THSD4: variants seen among roughly 807,000 people sequenced by gnomAD.
The protein encoded by THSD4 is thrombospondin type 1 domain containing 4.
In THSD4, 69 loss-of-function variants were observed where a neutral mutation model predicts 119.0. That is an observed-to-expected ratio of 0.58 (90% CI 0.48 to 0.71). The LOEUF (loss-of-function observed/expected upper bound fraction) is 0.71, where lower values mean the gene tolerates loss of function less well. Among genes scored for constraint, THSD4 ranks in the 30% least tolerant of loss-of-function variants. The probability of loss-of-function intolerance (pLI) is 0.00; values close to 1 mark genes in which losing one functional copy is unlikely to be tolerated. For missense variants in THSD4, 1,393 were observed against 1,391.1 expected (o/e 1.00, Z -0.02); for synonymous variants, 524 against 540.4 (o/e 0.97, Z 0.42).
intron 7 of THSD4, 78 bp from the exon 8 acceptor site, chr15:71,660,452 C>A: frequency 5.1e-6 from 8 of 1,563,642 alleles, no homozygotes; most frequent in Non-Finnish European, 6.1e-6. Flanking sequence ...AAATTTCTTG[C>A]CCAGGGATCT....
rs199561497 is a variant in THSD4 at position 71,737,903 on chromosome 15, G to A, written c.1802G>A (p.Arg601Gln). Residue 601 changes from arginine to glutamine, a missense_variant, in exon 11 of 18, where the codon CGA (arginine) becomes CAA (glutamine). By Grantham distance (43) the Arg-to-Gln change is conservative (BLOSUM62 1). Transcript: ENST00000261862. ...VRHPDRFSPH[R>Q]PDNLVPPAPQ... is the part of the protein sequence containing the mutation. ...CATCCAGACAGATTTTCTCCCCATC[G>A]ACCGGACAACTTGGTGCCACCAGCA... 8 of 1,614,110 alleles carry A rather than the reference G, an allele frequency of 5.0e-6. No individual in the cohort carries two copies. Among genetic ancestry groups the A allele is most frequent in the Admixed American group, 3.3e-5 (2 of 60,010 alleles).
intron 6 of THSD4, among the ~76,000 whole-genome samples, chr15:71,395,212 A>G (rs1487089461): frequency 1.3e-5 from 2 of 152,180 alleles, no homozygotes; most frequent in Non-Finnish European, 1.5e-5. Context: ...ATGATGAAAC[A>G]TGTTGAAAGT....
intron 8 of THSD4, among the ~76,000 whole-genome samples, chr15:71,663,795 T>A (rs2051359487): frequency 6.6e-6 from 1 of 152,174 alleles, no homozygotes; most frequent in Non-Finnish European, 1.5e-5. Flanking sequence ...TTCTCCATAA[T>A]TCTCTAGGTA....
intron 14 of THSD4, among the ~76,000 whole-genome samples, chr15:71,749,302 A>G (rs555266473): frequency 6.6e-6 from 1 of 152,384 alleles, no homozygotes; most frequent in Admixed American, 6.5e-5. Flanking sequence ...TGTAGAACAT[A>G]CCTTGGGACA....
intron 10 of THSD4, chr15:71,732,122 G>A (rs1595898568): frequency 6.6e-6 from 1 of 152,282 alleles, no homozygotes; most frequent in South Asian, 2.1e-4. Flanking sequence ...AGTAATCCAG[G>A]ATAATCTCTC....
intron 6 of THSD4, among the ~76,000 whole-genome samples, chr15:71,392,962 G>C (rs545240849): frequency 6.6e-6 from 1 of 152,338 alleles, no homozygotes; most frequent in East Asian, 1.9e-4. Flanking sequence ...CTTCCTTTGA[G>C]AGGGAGCCGG....
intron 4 of THSD4, 56 bp downstream of exon 4, chr15:71,215,455 T>C: frequency 6.9e-7 from 1 of 1,440,550 alleles, no homozygotes; most frequent in Non-Finnish European, 9.2e-7. Context: ...TATCTGCCCC[T>C]GTCCCTGCCC....
chr15:71,406,643 GGTGTGTGTGTGTGTGTGTGTGTGT>G (rs56347233), intron 6 of THSD4, among the ~76,000 whole-genome samples: 1,512 of 126,258 alleles, frequency 0.012, 10 homozygotes, highest in Middle Eastern at 0.024. Context: ...AGGTTTGTTT[GGTGTGTGTGTGTGTGTGTGTGTGT>G]GTGTGTGTGT....
intron 3 of THSD4, among the ~76,000 whole-genome samples, chr15:71,212,022 C>T (rs532154287): frequency 1.4e-4 from 21 of 152,240 alleles, no homozygotes; most frequent in African/African-American, 5.1e-4. Flanking sequence ...ACTATCAGAA[C>T]AGAAGAAGGG....
chr15:71,267,707 A>T (rs939674620), intron 6 of THSD4, among the ~76,000 whole-genome samples: 2 of 152,234 alleles, frequency 1.3e-5, no homozygotes, highest in South Asian at 4.1e-4. Context: ...TGCTGTATTC[A>T]GGAGACCCAT....
chr15:71,569,007 GA>G (rs760319838), intron 7 of THSD4, among the ~76,000 whole-genome samples: 5 of 152,128 alleles, frequency 3.3e-5, no homozygotes, highest in African/African-American at 7.2e-5. Flanking sequence ...AAAATGGGGA[GA>G]AAATGAAAAA....
Position 71,780,795 on chromosome 15 carries a change from C to T in THSD4, c.*3421C>T. 2.2e-6 allele frequency: 1 copy of T among 456,044 alleles called. No individual in the cohort carries two copies. The highest frequency in any genetic ancestry group is 1.6e-5 in the South Asian group (1 of 64,502). The allele number at this position is 456,044 out of a possible 1,614,324, so 28.2% of individuals were successfully genotyped here. A position where few individuals can be genotyped will look rare whatever the true frequency, so the allele number is the denominator to read the frequency against. On this transcript the variant is annotated 3_prime_UTR_variant, in exon 18 of 18. Transcript: ENST00000261862. ...TCTTATGTACTCATCTACTTATTCT[C>T]AAAGTATTTAGCATTCAACACTCTT...
chr15:71,124,292 T>C (rs980527017), intron 1 of THSD4, among the ~76,000 whole-genome samples: 3 of 152,262 alleles, frequency 2.0e-5, no homozygotes, highest in Admixed American at 2.0e-4. Flanking sequence ...AACTGACTTA[T>C]GGGCACTGCA....
intron 7 of THSD4, among the ~76,000 whole-genome samples, chr15:71,617,074 A>G (rs2050330267): frequency 6.6e-6 from 1 of 152,190 alleles, no homozygotes; most frequent in Non-Finnish European, 1.5e-5. Flanking sequence ...TAAATTAGAG[A>G]ATTGATTCAT....
At chr15:71,201,597 T>C (rs1319991497) in intron 3 of THSD4, among the ~76,000 whole-genome samples, 1 of 152,228 alleles carries the variant, frequency 6.6e-6, no homozygotes, top group Admixed American at 6.5e-5. Context: ...TGATATTTCC[T>C]CTTCAGGGAC....
chr15:71,576,038 G>T (rs2049442588), intron 7 of THSD4, among the ~76,000 whole-genome samples: 1 of 151,896 alleles, frequency 6.6e-6, no homozygotes, highest in African/African-American at 2.4e-5. Flanking sequence ...TATGTCCTCT[G>T]CAGTTTTTTG....
intron 5 of THSD4, among the ~76,000 whole-genome samples, chr15:71,251,120 A>AATATCTCCTTTCTC (rs2044255201): frequency 6.6e-6 from 1 of 152,186 alleles, no homozygotes; most frequent in Non-Finnish European, 1.5e-5. Context: ...GTAATTTGAG[A>AATATCTCCTTTCTC]AAGGAGATAT....
chr15:71,391,517 A>G (rs183891769), intron 6 of THSD4, among the ~76,000 whole-genome samples: 33 of 152,288 alleles, frequency 2.2e-4, no homozygotes, highest in Admixed American at 1.3e-3. Context: ...TAGAGCATCA[A>G]GCTTTTGCTA....
Position 71,608,263 on chromosome 15 carries a change from C to T in THSD4, c.1153-52267C>T, listed in dbSNP as rs867754072. ...ATATATATATATACACACACACACACACACACACACACACACACACTCATT... is the reference window on the plus strand; with the variant it reads ...ATATATATATATACACACACACACATACACACACACACACACACACTCATT... On this transcript the variant is annotated intron_variant, in intron 7 of 17. Transcript: ENST00000261862. 5.6e-3 allele frequency among the ~76,000 whole-genome samples: 713 copies of T among 128,438 alleles called. 7 individuals are homozygous for T. The highest frequency in any genetic ancestry group is 0.013 in the South Asian group (47 of 3,738). 84.3% of individuals were successfully genotyped at this position (128,438 alleles called of 152,430 possible).
Sources: gnomAD v4.1 joint callset for allele counts (sites outside exome capture counted in the v4.1 genomes callset) on GRCh38, gnomAD v4.1.1 for gene constraint, MANE v1.5 for transcripts, NCBI Gene and HGNC (gene_info 2026-07-23, HGNC 2026-07-21) for gene names.